MVB12B: variants seen among roughly 807,000 people sequenced by gnomAD.
MVB12B encodes the protein ESCRT-I complex subunit MVB12B.
In MVB12B, 16 loss-of-function variants were observed where a neutral mutation model predicts 41.6. The observed-to-expected ratio is 0.38, with a 90% confidence interval of 0.26 to 0.58. MVB12B has a LOEUF of 0.58. MVB12B is among the 20% of genes least tolerant of loss of function. The probability of loss-of-function intolerance (pLI) is 0.62; values close to 1 mark genes in which losing one functional copy is unlikely to be tolerated. For synonymous variants in MVB12B, 133 were observed against 139.7 expected, an observed-to-expected ratio of 0.95 and a Z score of 0.34; for missense variants, 274 against 380.2, an observed-to-expected ratio of 0.72 and a Z score of 2.32.
chr9:126,377,193 T>G (rs1298301675), intron 2 of MVB12B, among the ~76,000 whole-genome samples: 1 of 152,194 alleles, frequency 6.6e-6, no homozygotes, highest in African/African-American at 2.4e-5. Flanking sequence ...CCTAGGGCCC[T>G]CCTGCTCCTC....
intron 1 of MVB12B, chr9:126,327,214 C>G (rs1325335099): frequency 1.0e-6 from 1 of 981,722 alleles, no homozygotes; most frequent in Non-Finnish European, 1.2e-6. Context: ...CCGCGGCTGC[C>G]GGTGCCCGGG....
intron 7 of MVB12B, among the ~76,000 whole-genome samples, chr9:126,460,547 G>GT: frequency 6.6e-6 from 1 of 152,200 alleles, no homozygotes; most frequent in South Asian, 2.1e-4. Flanking sequence ...TATCCCCTGT[G>GT]TAGAGATGTG....
intron 7 of MVB12B, among the ~76,000 whole-genome samples, chr9:126,437,565 A>G (rs1372559068): frequency 6.6e-6 from 1 of 152,246 alleles, no homozygotes; most frequent in Non-Finnish European, 1.5e-5. Context: ...TAAAGGCAGC[A>G]ATAAGGGACA....
chr9:126,339,772 A>G (rs1216198765), intron 1 of MVB12B, among the ~76,000 whole-genome samples: 1 of 152,108 alleles, frequency 6.6e-6, no homozygotes, highest in African/African-American at 2.4e-5. Flanking sequence ...CACCAGTTTT[A>G]TGTGCTTTTT....
chr9:126,416,105 T>C (rs933716448), intron 6 of MVB12B, among the ~76,000 whole-genome samples: 10 of 152,150 alleles, frequency 6.6e-5, no homozygotes, highest in African/African-American at 2.4e-4. Flanking sequence ...CGGGTTTGGA[T>C]TTCATCCTGA....
chr9:126,362,545 A>T (rs1200894749), intron 2 of MVB12B, among the ~76,000 whole-genome samples: 1 of 152,234 alleles, frequency 6.6e-6, no homozygotes, highest in Non-Finnish European at 1.5e-5. Context: ...GAAAATCCTG[A>T]TGAGTTAGAT....
chr9:126,485,812 G>C (rs1238165791), intron 9 of MVB12B, among the ~76,000 whole-genome samples: 1 of 152,206 alleles, frequency 6.6e-6, no homozygotes, highest in Admixed American at 6.5e-5. Context: ...AAGAAAGGGA[G>C]TTGAGTCAGA....
chr9:126,400,544 G>A (rs1300499341), intron 6 of MVB12B, among the ~76,000 whole-genome samples: 2 of 152,186 alleles, frequency 1.3e-5, no homozygotes, highest in Non-Finnish European at 1.5e-5. Flanking sequence ...CAGAAATTCA[G>A]GTTCGGCAGA....
At chr9:126,455,887 C>CA (rs1832972432) in intron 7 of MVB12B, among the ~76,000 whole-genome samples, 1 of 103,052 alleles carries the variant, frequency 9.7e-6, no homozygotes, top group African/African-American at 4.0e-5. Flanking sequence ...TTCTTTCTTT[C>CA]TTTTTTTTTT....
chr9:126,398,046 C>G (rs10760428), intron 6 of MVB12B, among the ~76,000 whole-genome samples: 152,181 of 152,182 alleles, frequency 1, 76,090 homozygotes, highest in Non-Finnish European at 1. Context: ...CAGACATTAA[C>G]GTGCGCTGGC....
At chr9:126,399,607 T>C (rs576426573) in intron 6 of MVB12B, among the ~76,000 whole-genome samples, 1 of 151,868 alleles carries the variant, frequency 6.6e-6, no homozygotes, top group African/African-American at 2.4e-5. Context: ...GAAGAAGAGG[T>C]TCCGCTGCTG....
chr9:126,406,464 G>A (rs1003606200), intron 6 of MVB12B, among the ~76,000 whole-genome samples: 1 of 152,196 alleles, frequency 6.6e-6, no homozygotes, highest in Admixed American at 6.5e-5. Flanking sequence ...GCGCTCTCAC[G>A]CACACAGTCC....
In MVB12B at chr9:126,392,014, G is replaced by T. The variant is rs533141288; in HGVS notation, c.410-52G>T. On this transcript the variant is annotated intron_variant, in intron 4 of 9. Transcript: ENST00000361171. This position sits in a 1 kb window ranked among gnomAD's most constrained non-coding sequence, Gnocchi z 4.8. ...CAGGGGATGTGGTTTTCAGAATAGA[G>T]ATTCTGGTATCTCTGGAAAACTCAT... 3.1e-6 allele frequency: 5 copies of T among 1,605,702 alleles called. No individual in the cohort carries two copies. In the African/African-American group the frequency reaches 4.0e-5, roughly 13 times the overall value.
At chr9:126,442,456 G>T (rs1255404946) in intron 7 of MVB12B, among the ~76,000 whole-genome samples, 1 of 152,136 alleles carries the variant, frequency 6.6e-6, no homozygotes, top group Non-Finnish European at 1.5e-5. Flanking sequence ...ACTAAAGTCA[G>T]TGTATTGATC....
chr9:126,455,407 C>T (rs1268801347), intron 7 of MVB12B, among the ~76,000 whole-genome samples: 3 of 151,784 alleles, frequency 2.0e-5, no homozygotes, highest in African/African-American at 4.8e-5. Flanking sequence ...AGGATGGTCT[C>T]GATCGATTTA....
intron 2 of MVB12B, among the ~76,000 whole-genome samples, chr9:126,380,424 A>T (rs1450375766): frequency 6.6e-6 from 1 of 152,206 alleles, no homozygotes; most frequent in Non-Finnish European, 1.5e-5. Flanking sequence ...ACAGCTGCAG[A>T]TGAGAAAATG....
In MVB12B at chr9:126,443,941, A is replaced by G. The variant is rs1280588748; in HGVS notation, c.757+21993A>G. 2.6e-5 allele frequency among the ~76,000 whole-genome samples: 4 copies of G among 152,278 alleles called. No homozygotes were observed. In the East Asian group the frequency reaches 7.7e-4, roughly 29 times the overall value. On this transcript the variant is annotated intron_variant, in intron 7 of 9. Transcript: ENST00000361171. ...CCAGTGCTATCATATACATGGACTC[A>G]TACAATATGTAGCTTTGTGTGTCTC...
intron 1 of MVB12B, among the ~76,000 whole-genome samples, chr9:126,334,816 G>T (rs1236761074): frequency 6.6e-6 from 1 of 152,192 alleles, no homozygotes; most frequent in Non-Finnish European, 1.5e-5. Flanking sequence ...TTTGTGCAGA[G>T]TCAGGCCTGT....
At chr9:126,433,825 CT>C (rs1397338534) in intron 7 of MVB12B, among the ~76,000 whole-genome samples, 1 of 152,162 alleles carries the variant, frequency 6.6e-6, no homozygotes. Context: ...TTCCAGCCCC[CT>C]GAGTCCTCCA....
Sources: allele counts gnomAD v4.1 joint callset (sites outside exome capture counted in the v4.1 genomes callset), GRCh38; gene constraint gnomAD v4.1.1; non-coding constraint Gnocchi (gnomAD v3.1); transcripts MANE v1.5; gene names NCBI Gene and HGNC (gene_info 2026-07-23, HGNC 2026-07-21).